FOXP2: variants seen among roughly 807,000 people sequenced by gnomAD.
The protein encoded by FOXP2 is forkhead box protein P2.
In FOXP2, 12 loss-of-function variants were observed where a neutral mutation model predicts 115.8. That is an observed-to-expected ratio of 0.10 (90% CI 0.07 to 0.17). The LOEUF (loss-of-function observed/expected upper bound fraction) is 0.17. Ranked by LOEUF, FOXP2 falls within the 10% of genes least tolerant of loss-of-function variation. The probability of loss-of-function intolerance (pLI) is 1.00; values close to 1 mark genes in which losing one functional copy is unlikely to be tolerated. For missense variants in FOXP2, 629 were observed against 843.5 expected (o/e 0.75, Z 3.15); for synonymous variants, 328 against 297.7 (o/e 1.10, Z -1.05).
At chr7:114,274,143 G>C (rs949455101) in intron 1 of FOXP2, among the ~76,000 whole-genome samples, 1 of 150,962 alleles carries the variant, frequency 6.6e-6, no homozygotes, top group Non-Finnish European at 1.5e-5. Context: ...ACTAATCCAA[G>C]TCCACTTTCA....
intron 2 of FOXP2, among the ~76,000 whole-genome samples, chr7:114,497,134 GACAGTGATGTAATCTAGACTACTGAC>G (rs1298065908): frequency 6.6e-6 from 1 of 152,116 alleles, no homozygotes; most frequent in Admixed American, 6.6e-5. Flanking sequence ...ATTATGTATT[GACAGTGATGTAATCTAGACTACTGAC>G]ACACTCATAG....
rs577130991 is a variant in FOXP2, at chr7:114,416,890, CTTGT to C, written c.-11+1534_-11+1537del. 6.0e-3 allele frequency among the ~76,000 whole-genome samples: 910 copies of C among 151,694 alleles called. 6 individuals are homozygous for C. The highest frequency in any genetic ancestry group is 0.021 in the African/African-American group (868 of 41,408). On this transcript the variant is annotated intron_variant, in intron 1 of 16. Coordinates refer to ENST00000350908, the MANE Select transcript of FOXP2 (RefSeq NM_014491.4). ...AATATGGTGCTCTATTAGAAAACAA[CTTGT>C]TTGACTTTTTTTTTTAAACCCATGT...
chr7:114,683,940 TA>T (rs1262461916), intron 16 of FOXP2, among the ~76,000 whole-genome samples: 2 of 152,206 alleles, frequency 1.3e-5, no homozygotes, highest in Non-Finnish European at 2.9e-5. Context: ...GACATATTTT[TA>T]TACAGGGCAG....
chr7:114,385,846 C>T (rs892040652), intron 2 of FOXP2, among the ~76,000 whole-genome samples: 3 of 152,106 alleles, frequency 2.0e-5, no homozygotes, highest in African/African-American at 7.2e-5. Flanking sequence ...GGTGGCGGGC[C>T]GCTTCCAAGA....
intron 1 of FOXP2, among the ~76,000 whole-genome samples, chr7:114,175,807 C>T (rs1793274549): frequency 6.6e-6 from 1 of 152,110 alleles, no homozygotes; most frequent in Non-Finnish European, 1.5e-5. Flanking sequence ...CCTGTAGAAT[C>T]CAAAGTGGTA....
chr7:114,334,931 C>CTCTCTCTATATATA (rs1554371352), intron 2 of FOXP2, among the ~76,000 whole-genome samples: 1 of 119,334 alleles, frequency 8.4e-6, no homozygotes, highest in South Asian at 2.8e-4. Flanking sequence ...ATATAGAAAT[C>CTCTCTCTATATATA]TATATATATA....
intron 3 of FOXP2, among the ~76,000 whole-genome samples, chr7:114,583,883 C>T (rs1801990693): frequency 6.6e-6 from 1 of 152,158 alleles, no homozygotes; most frequent in Non-Finnish European, 1.5e-5. Context: ...TGTTGTAGCT[C>T]TTCAAACTAA....
intron 2 of FOXP2, among the ~76,000 whole-genome samples, chr7:114,451,245 C>A (rs904206653): frequency 7.9e-5 from 12 of 151,888 alleles, no homozygotes; most frequent in Admixed American, 7.9e-4. Flanking sequence ...CCTCTTGACA[C>A]ATGTATATTT....
At chr7:114,170,790 C>T (rs1044177893) in intron 1 of FOXP2, among the ~76,000 whole-genome samples, 2 of 152,296 alleles carry the variant, frequency 1.3e-5, no homozygotes, top group Admixed American at 1.3e-4. Context: ...GAGGTTGGTT[C>T]ATGAGGTTAA....
intron 1 of FOXP2, among the ~76,000 whole-genome samples, chr7:114,269,179 A>G (rs1795975172): frequency 6.6e-6 from 1 of 152,316 alleles, no homozygotes; most frequent in African/African-American, 2.4e-5. Context: ...TAGGGTCCTC[A>G]TGAAGGTATA....
chr7:114,513,256 A>G (rs1798164270), intron 2 of FOXP2, among the ~76,000 whole-genome samples: 2 of 152,196 alleles, frequency 1.3e-5, no homozygotes, highest in South Asian at 2.1e-4. Context: ...TTAATACAAT[A>G]TAGTGGAAAC....
At chr7:114,117,200 A>C (rs953662917) in intron 1 of FOXP2, among the ~76,000 whole-genome samples, 1 of 151,466 alleles carries the variant, frequency 6.6e-6, no homozygotes, top group African/African-American at 2.4e-5. Flanking sequence ...AATATTTAGA[A>C]TATATATTAT....
At chr7:114,556,172 C>T (rs1461287405) in intron 3 of FOXP2, among the ~76,000 whole-genome samples, 1 of 152,070 alleles carries the variant, frequency 6.6e-6, no homozygotes, top group African/African-American at 2.4e-5. Context: ...ATCACTAGTC[C>T]TCTTCCTCCA....
At chr7:114,495,271 G>C (rs1797254573) in intron 2 of FOXP2, among the ~76,000 whole-genome samples, 1 of 152,044 alleles carries the variant, frequency 6.6e-6, no homozygotes, top group African/African-American at 2.4e-5. Flanking sequence ...TCCAAGATAT[G>C]CTTCATTGCA....
At chr7:114,124,604 A>G (rs1325038227) in intron 1 of FOXP2, among the ~76,000 whole-genome samples, 1 of 151,976 alleles carries the variant, frequency 6.6e-6, no homozygotes, top group Non-Finnish European at 1.5e-5. Flanking sequence ...TGTTTTATCT[A>G]TTTTTGTCCA....
chr7:114,693,128 G>A lies in FOXP2; in HGVS notation c.*3202G>A, dbSNP rs1402991640. On this transcript the variant is annotated 3_prime_UTR_variant, in exon 17 of 17. Transcript: ENST00000350908. ...TATATTCTATGTGGTTGGATTCGTGGCACAGTTGTACTATTTGAAAATCAA... is the reference window on the plus strand; with the variant it reads ...TATATTCTATGTGGTTGGATTCGTGACACAGTTGTACTATTTGAAAATCAA... The A allele has an allele frequency of 4.4e-6, 2 of 453,870 alleles. No homozygotes were observed. The highest frequency in any genetic ancestry group is 1.6e-5 in the South Asian group (1 of 64,462). 28.1% of individuals were successfully genotyped at this position (453,870 alleles called of 1,614,324 possible).
At chr7:114,186,815 AGGT>A (rs1476387094) in intron 1 of FOXP2, among the ~76,000 whole-genome samples, 1 of 152,126 alleles carries the variant, frequency 6.6e-6, no homozygotes, top group Non-Finnish European at 1.5e-5. Flanking sequence ...GACACTGCCA[AGGT>A]TTATCGTTTG....
At chr7:114,345,406 A>G (rs1015856882) in intron 2 of FOXP2, among the ~76,000 whole-genome samples, 8 of 151,842 alleles carry the variant, frequency 5.3e-5, no homozygotes, top group African/African-American at 1.9e-4. Context: ...TCTATACCCA[A>G]CTTACAATTA....
chr7:114,335,811 T>C (rs1797839329), intron 2 of FOXP2, among the ~76,000 whole-genome samples: 1 of 151,600 alleles, frequency 6.6e-6, no homozygotes, highest in Non-Finnish European at 1.5e-5. Flanking sequence ...ATAATAGGCA[T>C]GAAAAAATGG....
Sources: allele counts gnomAD v4.1 joint callset (sites outside exome capture counted in the v4.1 genomes callset), GRCh38; gene constraint gnomAD v4.1.1; transcripts MANE v1.5; gene names NCBI Gene and HGNC (gene_info 2026-07-23, HGNC 2026-07-21).